The following KCNIP4 variants were observed in gnomAD, a reference collection of about 807,000 sequenced individuals.
KCNIP4 encodes potassium voltage-gated channel interacting protein 4.
KCNIP4 carries 12 observed loss-of-function variants against 34.0 expected under a neutral mutation model. The ratio of observed to expected loss-of-function variants is 0.35; its 90% CI spans 0.23 to 0.57. The LOEUF is 0.57. KCNIP4 is among the 20% of genes least tolerant of loss of function. The pLI is 0.83. For missense variants in KCNIP4, 238 were observed against 311.7 expected (o/e 0.76, Z 1.78); for synonymous variants, 124 against 102.2 (o/e 1.21, Z -1.29).
At position 21,747,688 on chromosome 4, in the gene KCNIP4, G is replaced by A. The variant is rs113841030; in HGVS notation, c.61+200883C>T. Among the ~76,000 whole-genome samples, 11 of 152,152 alleles carry A rather than the reference G, an allele frequency of 7.2e-5. 2 individuals carry two copies. The highest frequency in any genetic ancestry group is 2.6e-4 in the African/African-American group (11 of 41,522). ...CATTAATTTGATGGATCTTAATTGG[G>A]ACTCTTATTTTCCTACTAGACTAGA... On this transcript the variant is annotated intron_variant, in intron 1 of 8. Transcript: ENST00000382152.
chr4:20,896,009 T>C (rs1726481306), intron 1 of KCNIP4, among the ~76,000 whole-genome samples: 1 of 152,182 alleles, frequency 6.6e-6, no homozygotes, highest in Non-Finnish European at 1.5e-5. Flanking sequence ...TTAAATTAAC[T>C]GGGCCAAAAA....
intron 1 of KCNIP4, among the ~76,000 whole-genome samples, chr4:21,376,211 G>T (rs1720948315): frequency 6.6e-6 from 1 of 152,270 alleles, no homozygotes; most frequent in African/African-American, 2.4e-5. Context: ...AATTTAAAAA[G>T]ATAACACTTG....
intron 3 of KCNIP4, among the ~76,000 whole-genome samples, chr4:20,841,493 A>C (rs1055176886): frequency 2.0e-5 from 3 of 152,140 alleles, no homozygotes; most frequent in African/African-American, 7.2e-5. Flanking sequence ...TTTCAACCCC[A>C]AAACTCTCAA....
At chr4:21,926,662 T>C (rs1002671282) in intron 1 of KCNIP4, among the ~76,000 whole-genome samples, 2 of 152,156 alleles carry the variant, frequency 1.3e-5, no homozygotes, top group Non-Finnish European at 2.9e-5. Context: ...TAAGTCGAGC[T>C]TCAAGGCCAG....
intron 1 of KCNIP4, among the ~76,000 whole-genome samples, chr4:21,483,116 T>C (rs1383590792): frequency 6.7e-6 from 1 of 148,432 alleles, no homozygotes; most frequent in African/African-American, 2.5e-5. Flanking sequence ...TTAGGAGATA[T>C]ACCTAATGTA....
At chr4:20,809,522 T>A (rs1715471959) in intron 3 of KCNIP4, among the ~76,000 whole-genome samples, 1 of 152,178 alleles carries the variant, frequency 6.6e-6, no homozygotes, top group South Asian at 2.1e-4. Context: ...ATAGGCTATT[T>A]CTTTCTGTGT....
At chr4:21,504,923 T>A (rs977579824) in intron 1 of KCNIP4, among the ~76,000 whole-genome samples, 2 of 152,230 alleles carry the variant, frequency 1.3e-5, no homozygotes, top group Non-Finnish European at 2.9e-5. Flanking sequence ...ACAGAAAATC[T>A]GTCCTCTTTG....
chr4:21,700,610 T>C (rs1712756346), intron 1 of KCNIP4, among the ~76,000 whole-genome samples: 1 of 152,094 alleles, frequency 6.6e-6, no homozygotes, highest in South Asian at 2.1e-4. Flanking sequence ...TTTGCTGCAA[T>C]TTCATTTCTC....
intron 1 of KCNIP4, among the ~76,000 whole-genome samples, chr4:21,944,888 T>C (rs1297211035): frequency 6.6e-6 from 1 of 152,120 alleles, no homozygotes; most frequent in African/African-American, 2.4e-5. Context: ...AAGGGTAAAT[T>C]AATTTATAAT....
intron 1 of KCNIP4, among the ~76,000 whole-genome samples, chr4:21,169,660 TTGTGTGTGTGTGTGTGTGTG>T (rs58544791): frequency 2.2e-5 from 3 of 136,298 alleles, no homozygotes; most frequent in South Asian, 2.6e-4. Flanking sequence ...TACTTTATAT[TTGTGTGTGTGTGTGTGTGTG>T]TGTGTGTGTG....
At chr4:20,768,464 G>T (rs910818827) in intron 3 of KCNIP4, among the ~76,000 whole-genome samples, 1 of 152,106 alleles carries the variant, frequency 6.6e-6, no homozygotes, top group African/African-American at 2.4e-5. Flanking sequence ...ATTCTAAAAA[G>T]CTCATTTAAA....
rs1720522089 is a variant in KCNIP4, at chr4:21,372,345, GT to G, written c.62-489637del. On this transcript the variant is annotated intron_variant, in intron 1 of 8. Coordinates refer to ENST00000382152, the MANE Select transcript of KCNIP4 (RefSeq NM_025221.6). ...GAGAGTTCTTTTTTCAAGTTTTCCA[GT>G]TTGGTGAATAGATAGATAGATAGAT... 1.6e-5 allele frequency among the ~76,000 whole-genome samples: 2 copies of G among 121,752 alleles called. 1 individual carries two copies. Among genetic ancestry groups the G allele is most frequent in the African/African-American group, 7.5e-5 (2 of 26,626 alleles). 79.9% of individuals were successfully genotyped at this position (121,752 alleles called of 152,430 possible).
intron 1 of KCNIP4, among the ~76,000 whole-genome samples, chr4:20,961,409 A>G (rs1733835333): frequency 6.6e-6 from 1 of 152,310 alleles, no homozygotes. Context: ...AAAGAATCTT[A>G]TGGTTTTGAG....
At chr4:21,158,981 A>G (rs954223564) in intron 1 of KCNIP4, among the ~76,000 whole-genome samples, 4 of 152,206 alleles carry the variant, frequency 2.6e-5, no homozygotes, top group Non-Finnish European at 4.4e-5. Flanking sequence ...AATATTATTT[A>G]TAATAGCTTC....
chr4:20,903,780 A>T (rs1286842259), intron 1 of KCNIP4, among the ~76,000 whole-genome samples: 1 of 152,112 alleles, frequency 6.6e-6, no homozygotes, highest in Admixed American at 6.5e-5. Flanking sequence ...GCTTAGAATA[A>T]ACCTCTTCAA....
chr4:20,836,983 C>T (rs1207247712), intron 3 of KCNIP4, among the ~76,000 whole-genome samples: 1 of 151,792 alleles, frequency 6.6e-6, no homozygotes, highest in African/African-American at 2.4e-5. Context: ...GAGAACGATT[C>T]TTTTTTGCAT....
chr4:21,370,832 TATATATATATATATATATACACACACAC>T (rs1229278555), intron 1 of KCNIP4, among the ~76,000 whole-genome samples: 2 of 32,254 alleles, frequency 6.2e-5, no homozygotes, highest in South Asian at 1.9e-3. Context: ...TATATATATA[TATATATATATATATATATACACACACAC>T]ACACACACAC....
At chr4:21,122,382 A>G (rs1750237790) in intron 1 of KCNIP4, among the ~76,000 whole-genome samples, 1 of 151,484 alleles carries the variant, frequency 6.6e-6, no homozygotes, top group Non-Finnish European at 1.5e-5. Flanking sequence ...TCAGGGTTAA[A>G]TTGTTCTTGT....
chr4:21,523,704 TG>T (rs1735733530), intron 1 of KCNIP4, among the ~76,000 whole-genome samples: 2 of 151,988 alleles, frequency 1.3e-5, no homozygotes, highest in African/African-American at 2.4e-5. Context: ...CATGAGCATA[TG>T]GGACTACAGG....
Sources: allele counts gnomAD v4.1 joint callset (sites outside exome capture counted in the v4.1 genomes callset), GRCh38; gene constraint gnomAD v4.1.1; transcripts MANE v1.5; gene names NCBI Gene and HGNC (gene_info 2026-07-23, HGNC 2026-07-21).